RAB40B: variants seen among roughly 807,000 people sequenced by gnomAD.
RAB40B encodes the protein ras-related protein Rab-40B.
RAB40B carries 21 observed loss-of-function variants against 24.0 expected under a neutral mutation model. That is an observed-to-expected ratio of 0.88 (90% confidence interval 0.62 to 1.26). RAB40B has a LOEUF of 1.26. Ranked by LOEUF, RAB40B falls within the 50% of genes most tolerant of loss-of-function variation. The pLI is 0.00. For synonymous variants in RAB40B, 167 were observed against 169.8 expected, an observed-to-expected ratio of 0.98 and a Z score of 0.13; for missense variants, 348 against 390.5, an observed-to-expected ratio of 0.89 and a Z score of 0.92.
intron 2 of RAB40B, chr17:82,662,757 G>T (rs1331450307): frequency 1.0e-6 from 1 of 985,270 alleles, no homozygotes; most frequent in Non-Finnish European, 1.2e-6. Flanking sequence ...AGGTGAGAGG[G>T]AGAAAAGTGT....
intron 1 of RAB40B, among the ~76,000 whole-genome samples, chr17:82,665,678 C>T (rs1051940323): frequency 1.3e-5 from 2 of 152,060 alleles, no homozygotes; most frequent in Non-Finnish European, 2.9e-5. Context: ...ACCAGCCTGA[C>T]CAATATGATG....
rs1410557964 is a variant in RAB40B, at chr17:82,698,630, C to T, written c.-34G>A. 3.5e-5 allele frequency: 48 copies of T among 1,369,098 alleles called. No homozygotes were observed. The highest frequency in any genetic ancestry group is 2.1e-4 in the Middle Eastern group (1 of 4,878). The allele number at this position is 1,369,098 out of a possible 1,614,324, so 84.8% of individuals were successfully genotyped here. The stretch of plus-strand genomic sequence containing the variant: ...CCCGGCGCCCCCACCCATGCCCGGC[C>T]TGCGGGGCTGAGCGCAGAGGCGGCG... On this transcript the variant is annotated 5_prime_UTR_variant, in exon 1 of 6. Transcript: ENST00000571995.
chr17:82,681,689 C>T (rs1299500234), intron 1 of RAB40B, among the ~76,000 whole-genome samples: 10 of 152,056 alleles, frequency 6.6e-5, no homozygotes, highest in Non-Finnish European at 1.5e-4. Flanking sequence ...ATACCAAATT[C>T]GGCAATCTAT....
At chr17:82,668,931 T>C (rs1033226357) in intron 1 of RAB40B, among the ~76,000 whole-genome samples, 29 of 152,370 alleles carry the variant, frequency 1.9e-4, no homozygotes, top group Admixed American at 9.1e-4. Context: ...ACCAGGAGCT[T>C]GACCTCACCA....
chr17:82,681,445 C>T (rs2046448691), intron 1 of RAB40B, among the ~76,000 whole-genome samples: 1 of 152,024 alleles, frequency 6.6e-6, no homozygotes. Flanking sequence ...GGGAAAAAAG[C>T]CCCTCTGCTT....
intron 4 of RAB40B, chr17:82,659,342 C>G (rs527431128): frequency 5.6e-6 from 3 of 534,256 alleles, no homozygotes; most frequent in Admixed American, 3.3e-5. Context: ...CGAGGTACGC[C>G]GTGGACGCTC....
chr17:82,659,519 C>A, intron 4 of RAB40B, 61 bp downstream of exon 4: 1 of 1,562,510 alleles, frequency 6.4e-7, no homozygotes, highest in South Asian at 1.1e-5. Context: ...GGCCCTAATT[C>A]CTGGCCTGAC....
intron 1 of RAB40B, among the ~76,000 whole-genome samples, chr17:82,671,351 C>T (rs1196341351): frequency 2.0e-5 from 3 of 151,278 alleles, no homozygotes; most frequent in Non-Finnish European, 4.4e-5. Flanking sequence ...CACACCTCAC[C>T]CCTGTAACTC....
Position 82,667,172 on chromosome 17 carries a change from C to G in RAB40B, c.143-2616G>C, listed in dbSNP as rs1408503507. Among the ~76,000 whole-genome samples, 6 of 152,230 alleles carry G rather than the reference C, an allele frequency of 3.9e-5. No individual in the cohort carries two copies. The highest frequency in any genetic ancestry group is 3.9e-4 in the Admixed American group (6 of 15,284). On this transcript the variant is annotated intron_variant, in intron 1 of 5. Transcript: ENST00000571995. This position sits in a 1 kb window ranked among gnomAD's most constrained non-coding sequence, Gnocchi z 4.3. ...GCCACGGTTCTCAAGCAGCTTCTGC[C>G]CCCTCGAAGGGTCTAGAACCCTTGG...
chr17:82,660,119 GCACACGTGTA>G (rs1471343131), intron 3 of RAB40B, among the ~76,000 whole-genome samples: 1 of 150,848 alleles, frequency 6.6e-6, no homozygotes, highest in Non-Finnish European at 1.5e-5. Flanking sequence ...GCACATACCT[GCACACGTGTA>G]CACACGTGTA....
At chr17:82,687,128 C>T (rs1256192816) in intron 1 of RAB40B, among the ~76,000 whole-genome samples, 5 of 151,942 alleles carry the variant, frequency 3.3e-5, no homozygotes, top group African/African-American at 1.2e-4. Flanking sequence ...CTCTATGTCT[C>T]TCCAAAGTCA....
chr17:82,661,520 A>C (rs978190531), intron 2 of RAB40B, among the ~76,000 whole-genome samples: 2 of 152,162 alleles, frequency 1.3e-5, no homozygotes, highest in Non-Finnish European at 1.5e-5. Flanking sequence ...AGCTGCAGGC[A>C]GGGCTTGAGT....
Position 82,657,683 on chromosome 17 carries a change from T to C in RAB40B, c.*180A>G. On this transcript the variant is annotated 3_prime_UTR_variant, in exon 6 of 6. Transcript: ENST00000571995. ...ATCGAAAACAAGAGCTTCATGCACA[T>C]CCACGTAGAAATTCGAAGTCCGACG... 1.3e-6 allele frequency: 1 copy of C among 775,572 alleles called. No individual in the cohort carries two copies. Among genetic ancestry groups the C allele is most frequent in the Non-Finnish European group, 2.3e-6 (1 of 437,048 alleles). The allele number at this position is 775,572 out of a possible 1,614,324, so 48.0% of individuals were successfully genotyped here.
chr17:82,663,718 T>A lies in RAB40B; in HGVS notation c.203+778A>T, dbSNP rs2046206083. On this transcript the variant is annotated intron_variant, in intron 2 of 5. Coordinates refer to ENST00000571995, the MANE Select transcript of RAB40B (RefSeq NM_006822.3). The surrounding 1 kb of genome is among the most constrained non-coding windows in gnomAD (Gnocchi z 6.2). ...ACGCTCCGAGCTCCCTGCCGGGTGC[T>A]CAGTGGCATCACTGAGCCAGGCGTG... 6.6e-6 allele frequency among the ~76,000 whole-genome samples: 1 copy of A among 151,860 alleles called. No homozygotes were observed. The highest frequency in any genetic ancestry group is 1.5e-5 in the Non-Finnish European group (1 of 67,914).
intron 1 of RAB40B, among the ~76,000 whole-genome samples, chr17:82,680,241 T>A (rs1233269405): frequency 6.6e-6 from 1 of 152,178 alleles, no homozygotes; most frequent in Non-Finnish European, 1.5e-5. Flanking sequence ...CCTGGGTCTC[T>A]CCTAGGTTCC....
At position 82,698,197 on chromosome 17, in the gene RAB40B, T is replaced by C. The variant is rs539590151; in HGVS notation, c.142+258A>G. Among the ~76,000 whole-genome samples, 1,420 of 151,752 alleles carry C rather than the reference T, an allele frequency of 9.4e-3. 21 individuals carry two copies. The highest frequency in any genetic ancestry group is 0.033 in the African/African-American group (1,358 of 41,412). ...TGCGCCGCGGGGCCTCGAGTGGAAC[T>C]GGGGGTGCAACAGGGACGCCGCAGC... On this transcript the variant is annotated intron_variant, in intron 1 of 5. Coordinates refer to ENST00000571995, the MANE Select transcript of RAB40B (RefSeq NM_006822.3).
intron 3 of RAB40B, among the ~76,000 whole-genome samples, chr17:82,660,352 TAC>T (rs147057391): frequency 0.027 from 4,013 of 148,278 alleles, 160 homozygotes; most frequent in African/African-American, 0.093. Context: ...CACGCACGTG[TAC>T]ACACACACAC....
At chr17:82,681,732 G>GA (rs1287813676) in intron 1 of RAB40B, among the ~76,000 whole-genome samples, 4 of 152,160 alleles carry the variant, frequency 2.6e-5, no homozygotes, top group African/African-American at 9.7e-5. Flanking sequence ...TTCGACCTTT[G>GA]AAAATCTATC....
At position 82,691,460 on chromosome 17, in the gene RAB40B, C is replaced by T. The variant is rs186101869; in HGVS notation, c.142+6995G>A. 1.6e-3 allele frequency among the ~76,000 whole-genome samples: 250 copies of T among 152,090 alleles called. No homozygotes were observed. In the Middle Eastern group the frequency reaches 0.02, roughly 12 times the overall value. ...CAGCTACTCGGGAGGCCCAGGCAGG[C>T]GGATTGCCTGAGGTCAGGAGTTCGA... On this transcript the variant is annotated intron_variant, in intron 1 of 5. Coordinates refer to ENST00000571995, the MANE Select transcript of RAB40B (RefSeq NM_006822.3).
Sources: allele counts gnomAD v4.1 joint callset (sites outside exome capture counted in the v4.1 genomes callset), GRCh38; gene constraint gnomAD v4.1.1; non-coding constraint Gnocchi (gnomAD v3.1); transcripts MANE v1.5; gene names NCBI Gene and HGNC (gene_info 2026-07-23, HGNC 2026-07-21).